CDH9: variants seen among roughly 807,000 people sequenced by gnomAD.
CDH9 encodes the protein cadherin-9.
Under a neutral mutation model 70.9 loss-of-function variants are expected in CDH9, and 28 were observed. The ratio of observed to expected loss-of-function variants is 0.40; its 90% CI spans 0.29 to 0.54. The LOEUF (loss-of-function observed/expected upper bound fraction) is 0.54. CDH9 is among the 20% of genes least tolerant of loss of function. The pLI is 0.59. For synonymous variants in CDH9, 409 were observed against 343.1 expected (o/e 1.19, Z -2.12); for missense variants, 874 against 984.4 (o/e 0.89, Z 1.50).
intron 2 of CDH9, among the ~76,000 whole-genome samples, chr5:26,983,912 T>C (rs977735951): frequency 6.6e-6 from 1 of 152,158 alleles, no homozygotes. Flanking sequence ...TTATTTTATA[T>C]ATACTTCAGC....
chr5:27,027,206 T>C (rs1743235038), intron 1 of CDH9, among the ~76,000 whole-genome samples: 2 of 152,048 alleles, frequency 1.3e-5, no homozygotes, highest in Non-Finnish European at 2.9e-5. Flanking sequence ...GAGTATTCTA[T>C]ATTAATTTCA....
intron 2 of CDH9, among the ~76,000 whole-genome samples, chr5:26,972,001 T>C (rs1742227403): frequency 6.6e-6 from 1 of 152,086 alleles, no homozygotes; most frequent in Non-Finnish European, 1.5e-5. Flanking sequence ...AATATTGGTG[T>C]GATTAGGGGT....
chr5:26,989,508 G>GTCTC (rs150867847), intron 1 of CDH9, among the ~76,000 whole-genome samples: 15,799 of 146,740 alleles, frequency 0.11, 878 homozygotes, highest in African/African-American at 0.14. Flanking sequence ...TCTCTTCTCT[G>GTCTC]TCTCTCTCTC....
chr5:26,928,443 T>G (rs1741384247), intron 2 of CDH9, among the ~76,000 whole-genome samples: 1 of 152,034 alleles, frequency 6.6e-6, no homozygotes. Context: ...AGAGTCAATG[T>G]AATCCCAATG....
At chr5:27,024,142 A>G (rs1053302569) in intron 1 of CDH9, among the ~76,000 whole-genome samples, 1 of 152,034 alleles carries the variant, frequency 6.6e-6, no homozygotes, top group African/African-American at 2.4e-5. Flanking sequence ...ATTTTTATTA[A>G]TGATGAAAAC....
At chr5:27,016,001 A>G (rs1386297175) in intron 1 of CDH9, among the ~76,000 whole-genome samples, 1 of 151,858 alleles carries the variant, frequency 6.6e-6, no homozygotes, top group East Asian at 1.9e-4. Context: ...AGACAAATTC[A>G]AACATGTACT....
chr5:26,943,398 A>G (rs961718454), intron 2 of CDH9, among the ~76,000 whole-genome samples: 3 of 152,040 alleles, frequency 2.0e-5, no homozygotes, highest in Admixed American at 2.0e-4. Flanking sequence ...CTGTAATTCC[A>G]GCTACTCATG....
chr5:26,898,034 C>A (rs1479546004), intron 7 of CDH9, among the ~76,000 whole-genome samples: 3 of 151,968 alleles, frequency 2.0e-5, no homozygotes, highest in Admixed American at 2.0e-4. Flanking sequence ...CAATAACAGA[C>A]AAACAGAGAG....
At chr5:26,902,158 A>G (rs1271375720) in intron 7 of CDH9, among the ~76,000 whole-genome samples, 1 of 151,946 alleles carries the variant, frequency 6.6e-6, no homozygotes, top group Non-Finnish European at 1.5e-5. Flanking sequence ...TTTGCTAATA[A>G]ACAATGGGCA....
In CDH9 at chr5:26,906,831, A is replaced by G; in HGVS notation, c.531T>C (p.Ser177=). The part of the protein sequence containing the change: ...SVPEMSGVGT[S]VIQVTATDAD... ...CATCTGTTGCAGTTACTTGTATAAC[A>G]GATGTACCTACATGAAACCCCCATC... is the stretch of plus-strand genomic sequence containing the variant. Residue 177 remains serine, a synonymous_variant, in exon 4 of 12, where the codon TCT becomes TCC. Transcript: ENST00000231021. The G allele has an allele frequency of 6.2e-7, 1 of 1,607,386 alleles. No homozygotes were observed. The highest frequency in any genetic ancestry group is 1.3e-5 in the African/African-American group (1 of 74,946).
intron 2 of CDH9, among the ~76,000 whole-genome samples, chr5:26,954,571 A>G (rs984726361): frequency 4.2e-4 from 63 of 151,612 alleles, no homozygotes; most frequent in Middle Eastern, 3.4e-3. Context: ...TTTTCAGTAG[A>G]GACGGGGTTT....
At chr5:26,927,536 G>A (rs568671771) in intron 2 of CDH9, among the ~76,000 whole-genome samples, 16 of 152,008 alleles carry the variant, frequency 1.1e-4, no homozygotes, top group Admixed American at 6.6e-4. Context: ...ATCACATACC[G>A]GGTTTGTGGT....
At chr5:27,014,412 G>T (rs1743011090) in intron 1 of CDH9, among the ~76,000 whole-genome samples, 1 of 151,890 alleles carries the variant, frequency 6.6e-6, no homozygotes, top group Non-Finnish European at 1.5e-5. Flanking sequence ...TGTTCCTAGG[G>T]ATCCTGTGAA....
intron 1 of CDH9, among the ~76,000 whole-genome samples, chr5:27,030,241 G>T (rs73078137): frequency 0.022 from 3,362 of 151,992 alleles, 115 homozygotes; most frequent in African/African-American, 0.078. Context: ...TCCCGTAGTA[G>T]GGAGAGATGG....
intron 2 of CDH9, among the ~76,000 whole-genome samples, chr5:26,945,221 C>G (rs1437370028): frequency 6.6e-6 from 1 of 150,636 alleles, no homozygotes; most frequent in Admixed American, 6.6e-5. Flanking sequence ...TTTTTTCCCT[C>G]ACCTGAACCA....
chr5:26,959,013 T>C (rs1240362669), intron 2 of CDH9, among the ~76,000 whole-genome samples: 1 of 152,222 alleles, frequency 6.6e-6, no homozygotes, highest in Non-Finnish European at 1.5e-5. Context: ...TAAATTGGAC[T>C]TCATAAAAAC....
chr5:26,906,093 C>A lies in CDH9; in HGVS notation c.677G>T (p.Arg226Ile), dbSNP rs750232309. The A allele has an allele frequency of 6.2e-7, 1 of 1,613,334 alleles. No individual in the cohort carries two copies. The highest frequency in any genetic ancestry group is 1.1e-5 in the South Asian group (1 of 90,940). ...IIKTALPDMS[R>I]ENREQYQVVI... is the part of the protein sequence containing the mutation. ...AACCTGGTACTGCTCTCTATTTTCT[C>A]TGCTCATGTCTGGTAATGCAGTTTT... The change falls in exon 5 of 12, where the codon AGA (arginine) becomes ATA (isoleucine). Residue 226 changes from arginine to isoleucine, a missense_variant. Coordinates refer to ENST00000231021, the MANE Select transcript of CDH9 (RefSeq NM_016279.4).
At chr5:27,022,915 G>A (rs1305874940) in intron 1 of CDH9, among the ~76,000 whole-genome samples, 2 of 151,910 alleles carry the variant, frequency 1.3e-5, no homozygotes, top group Non-Finnish European at 2.9e-5. Context: ...ATACTTCCAA[G>A]TAGTTCAGTT....
In CDH9 at chr5:26,939,618, A is replaced by C. The variant is rs543673219; in HGVS notation, c.229-23694T>G. On this transcript the variant is annotated intron_variant, in intron 2 of 11. Coordinates refer to ENST00000231021, the MANE Select transcript of CDH9 (RefSeq NM_016279.4). ...TTTATTCAAAAAATGCGGCAAGCAA[A>C]TGATGATTTCCTTTAAATTAAATAT... is the stretch of plus-strand genomic sequence containing the variant. Among the ~76,000 whole-genome samples, 3 of 152,184 alleles carry C rather than the reference A, an allele frequency of 2.0e-5. No individual in the cohort carries two copies. The South Asian group carries it at 6.2e-4, about 32-fold the overall frequency.
Sources: gnomAD v4.1 joint callset for allele counts (sites outside exome capture counted in the v4.1 genomes callset) on GRCh38, gnomAD v4.1.1 for gene constraint, MANE v1.5 for transcripts, NCBI Gene and HGNC (gene_info 2026-07-23, HGNC 2026-07-21) for gene names.